The following MTMR3 variants were observed in gnomAD, a reference collection of about 807,000 sequenced individuals.
MTMR3 encodes phosphatidylinositol-3,5-bisphosphate 3-phosphatase MTMR3.
MTMR3 carries 32 observed loss-of-function variants against 132.4 expected under a neutral mutation model. That is an observed-to-expected ratio of 0.24 (90% confidence interval 0.18 to 0.32). The LOEUF (loss-of-function observed/expected upper bound fraction) is 0.32, where lower values mean the gene tolerates loss of function less well. Ranked by LOEUF, MTMR3 falls within the 10% of genes least tolerant of loss-of-function variation. The pLI is 1.00. For synonymous variants in MTMR3, 556 were observed against 550.3 expected (o/e 1.01, Z -0.14); for missense variants, 1,216 against 1,489.6 (o/e 0.82, Z 3.02).
chr22:29,943,950 A>G (rs1405761376), intron 1 of MTMR3, among the ~76,000 whole-genome samples: 2 of 151,970 alleles, frequency 1.3e-5, no homozygotes, highest in African/African-American at 4.8e-5. Flanking sequence ...CAGCTGCCCG[A>G]GTAGCTGGGA....
At chr22:29,969,176 T>C (rs1473843792) in intron 2 of MTMR3, among the ~76,000 whole-genome samples, 1 of 152,222 alleles carries the variant, frequency 6.6e-6, no homozygotes, top group Non-Finnish European at 1.5e-5. Flanking sequence ...ATGGAAACTT[T>C]AATTTCTTGT....
intron 1 of MTMR3, among the ~76,000 whole-genome samples, chr22:29,912,718 T>C (rs2050634534): frequency 6.6e-6 from 1 of 152,202 alleles, no homozygotes; most frequent in African/African-American, 2.4e-5. Flanking sequence ...TTGGAAGGCC[T>C]TAATAGGATC....
chr22:29,969,323 A>G (rs1366294081), intron 2 of MTMR3, among the ~76,000 whole-genome samples: 1 of 152,124 alleles, frequency 6.6e-6, no homozygotes, highest in East Asian at 1.9e-4. Flanking sequence ...TATCCTATTT[A>G]ATTAATCCAC....
intron 1 of MTMR3, among the ~76,000 whole-genome samples, chr22:29,930,425 G>C (rs960205901): frequency 2.6e-5 from 4 of 152,116 alleles, no homozygotes; most frequent in Admixed American, 2.6e-4. Context: ...TATGAACTTG[G>C]CCAGGTGCAG....
intron 1 of MTMR3, among the ~76,000 whole-genome samples, chr22:29,906,652 C>A (rs1182873599): frequency 6.6e-6 from 1 of 151,950 alleles, no homozygotes; most frequent in Non-Finnish European, 1.5e-5. Context: ...ACTTTTTATA[C>A]CCCGAAAGCA....
At chr22:29,946,989 G>A (rs941004849) in intron 1 of MTMR3, among the ~76,000 whole-genome samples, 3 of 152,108 alleles carry the variant, frequency 2.0e-5, no homozygotes, top group African/African-American at 7.2e-5. Flanking sequence ...AGAATATAGG[G>A]TTTAGGTTAG....
At chr22:29,914,840 A>G (rs1054101323) in intron 1 of MTMR3, among the ~76,000 whole-genome samples, 1 of 152,212 alleles carries the variant, frequency 6.6e-6, no homozygotes, top group Non-Finnish European at 1.5e-5. Flanking sequence ...CTTCAGTTGC[A>G]GCTCACAAAA....
At chr22:29,938,497 C>T (rs2065794321) in intron 1 of MTMR3, among the ~76,000 whole-genome samples, 1 of 152,224 alleles carries the variant, frequency 6.6e-6, no homozygotes, top group Non-Finnish European at 1.5e-5. Context: ...TCAGACCTTT[C>T]CAAAATCTGA....
At chr22:29,942,171 C>T (rs1162859466) in intron 1 of MTMR3, among the ~76,000 whole-genome samples, 2 of 151,984 alleles carry the variant, frequency 1.3e-5, no homozygotes, top group African/African-American at 4.8e-5. Flanking sequence ...AAGGGAAAGA[C>T]TACAAAAGAG....
At chr22:29,895,370 C>T (rs1204872566) in intron 1 of MTMR3, among the ~76,000 whole-genome samples, 3 of 152,170 alleles carry the variant, frequency 2.0e-5, no homozygotes, top group African/African-American at 7.2e-5. Flanking sequence ...CACATTTTTA[C>T]CGATGAGAAA....
intron 6 of MTMR3, 127 bp from the exon 7 acceptor site, chr22:29,991,377 C>A: frequency 1.2e-6 from 1 of 835,046 alleles, no homozygotes; most frequent in Non-Finnish European, 1.8e-6. Context: ...TGACTGACTG[C>A]CTCAGATGCT....
At chr22:29,916,446 C>A (rs1442114612) in intron 1 of MTMR3, among the ~76,000 whole-genome samples, 1 of 152,206 alleles carries the variant, frequency 6.6e-6, no homozygotes, top group Non-Finnish European at 1.5e-5. Flanking sequence ...TTTCCACCCT[C>A]CCTAGATTCT....
In MTMR3 at chr22:30,028,100, T is replaced by G. The variant is rs2067945542; in HGVS notation, c.*2299T>G. 6.6e-6 allele frequency: 1 copy of G among 152,384 alleles called. No homozygotes were observed. The highest frequency in any genetic ancestry group is 1.5e-5 in the Non-Finnish European group (1 of 68,058). 9.4% of individuals were successfully genotyped at this position (152,384 alleles called of 1,614,324 possible). The stretch of plus-strand genomic sequence containing the variant: ...CCCAGGCTAAAAGAGGGCAAAGCAG[T>G]CAGGGATCTGACCTGGCAGCTATTC... On this transcript the variant is annotated 3_prime_UTR_variant, in exon 20 of 20. Coordinates refer to ENST00000401950, the MANE Select transcript of MTMR3 (RefSeq NM_021090.4).
chr22:29,954,938 AG>A (rs1179482929), intron 1 of MTMR3, among the ~76,000 whole-genome samples: 1 of 152,122 alleles, frequency 6.6e-6, no homozygotes, highest in Non-Finnish European at 1.5e-5. Context: ...AAAATTTTTC[AG>A]TTATTTTTAA....
chr22:29,990,040 C>T (rs909392458), intron 6 of MTMR3: 4 of 152,194 alleles, frequency 2.6e-5, no homozygotes, highest in African/African-American at 9.7e-5. Context: ...TGAGACCAGC[C>T]TGGCCAACAT....
At chr22:29,929,302 A>T (rs1006913184) in intron 1 of MTMR3, among the ~76,000 whole-genome samples, 16 of 151,474 alleles carry the variant, frequency 1.1e-4, no homozygotes, top group African/African-American at 3.9e-4. Context: ...AACAGAAAAC[A>T]CTCATTTTTC....
At chr22:29,961,048 T>G (rs1348191308) in intron 2 of MTMR3, among the ~76,000 whole-genome samples, 1 of 152,208 alleles carries the variant, frequency 6.6e-6, no homozygotes, top group Non-Finnish European at 1.5e-5. Context: ...CAGACAATGC[T>G]TAGGCATATT....
intron 11 of MTMR3, chr22:30,008,287 C>G (rs1485254034): frequency 2.6e-6 from 1 of 382,498 alleles, no homozygotes; most frequent in African/African-American, 2.1e-5. Flanking sequence ...GAAAGCAGAT[C>G]TTCCCCATAA....
intron 16 of MTMR3, 59 bp downstream of exon 16, chr22:30,018,131 G>A: frequency 6.6e-7 from 1 of 1,511,682 alleles, no homozygotes; most frequent in Admixed American, 2.4e-5. Flanking sequence ...CCTGTGTTGG[G>A]ACGTGTGCAG....
Sources: allele counts gnomAD v4.1 joint callset (sites outside exome capture counted in the v4.1 genomes callset), GRCh38; gene constraint gnomAD v4.1.1; transcripts MANE v1.5; gene names NCBI Gene and HGNC (gene_info 2026-07-23, HGNC 2026-07-21).